The following EML4 variants were observed in gnomAD, a reference collection of about 807,000 sequenced individuals.
EML4 encodes EMAP like 4.
Under a neutral mutation model 129.0 loss-of-function variants are expected in EML4, and 72 were observed. The ratio of observed to expected loss-of-function variants is 0.56; its 90% CI spans 0.46 to 0.68. The LOEUF (loss-of-function observed/expected upper bound fraction) is 0.68, where lower values mean the gene tolerates loss of function less well. Ranked by LOEUF, EML4 falls within the 30% of genes least tolerant of loss-of-function variation. The probability of loss-of-function intolerance (pLI) is 0.00; values close to 1 mark genes in which losing one functional copy is unlikely to be tolerated. For synonymous variants in EML4, 532 were observed against 405.0 expected, an observed-to-expected ratio of 1.31 and a Z score of -3.77; for missense variants, 1,363 against 1,190.6, an observed-to-expected ratio of 1.14 and a Z score of -2.13.
At chr2:42,280,610 A>G (rs986998177) in intron 6 of EML4, among the ~76,000 whole-genome samples, 2 of 152,254 alleles carry the variant, frequency 1.3e-5, no homozygotes, top group African/African-American at 4.8e-5. Context: ...TGTGAATACT[A>G]TGCCATTTTG....
chr2:42,280,554 T>C (rs1666947581), intron 6 of EML4, among the ~76,000 whole-genome samples: 2 of 152,242 alleles, frequency 1.3e-5, no homozygotes, highest in Non-Finnish European at 2.9e-5. Context: ...AGCATTCACA[T>C]CATATTATGA....
At chr2:42,256,362 C>A in intron 2 of EML4, 139 bp from the exon 3 acceptor site, 1 of 741,314 alleles carries the variant, frequency 1.3e-6, no homozygotes, top group Non-Finnish European at 2.1e-6. Context: ...TGGGGGCATT[C>A]TGCTCAAGAG....
At chr2:42,232,723 T>C (rs1208111419) in intron 1 of EML4, among the ~76,000 whole-genome samples, 1 of 152,096 alleles carries the variant, frequency 6.6e-6, no homozygotes, top group Non-Finnish European at 1.5e-5. Context: ...TTTTGTTTTG[T>C]TTTTGTTTTT....
At chr2:42,280,814 T>C (rs1467139566) in intron 6 of EML4, 36 bp from the exon 7 acceptor site, 2 of 1,551,272 alleles carry the variant, frequency 1.3e-6, no homozygotes, top group Non-Finnish European at 1.8e-6. Context: ...ATACAGAAAA[T>C]ACGTATGACT....
At chr2:42,301,516 T>C in intron 14 of EML4, 124 bp downstream of exon 14, 1 of 763,334 alleles carries the variant, frequency 1.3e-6, no homozygotes, top group Non-Finnish European at 1.9e-6. Flanking sequence ...TTTCCTTTCC[T>C]CAAGAAAGGA....
Position 42,332,030 on chromosome 2 carries a change from C to T in EML4, c.*1823C>T, listed in dbSNP as rs759672126. 6.7e-5 allele frequency: 15 copies of T among 222,246 alleles called. No homozygotes were observed. The highest frequency in any genetic ancestry group is 9.0e-5 in the Non-Finnish European group (10 of 111,012). The allele number at this position is 222,246 out of a possible 1,614,324, so 13.8% of individuals were successfully genotyped here. ...TGTTCTGTACATACTTATCGGAGCG[C>T]GCCAGTAAGTATCAGGCATATATAT... On this transcript the variant is annotated 3_prime_UTR_variant, in exon 23 of 23. Transcript: ENST00000318522.
chr2:42,285,725 A>G (rs1010227425), intron 9 of EML4, among the ~76,000 whole-genome samples: 4 of 151,628 alleles, frequency 2.6e-5, no homozygotes, highest in African/African-American at 9.7e-5. Context: ...CAGCCTCCTG[A>G]GTAGCTGTGA....
chr2:42,243,758 T>C (rs982183475), intron 1 of EML4, among the ~76,000 whole-genome samples: 2 of 152,220 alleles, frequency 1.3e-5, no homozygotes, highest in African/African-American at 4.8e-5. Context: ...ATATGAAATA[T>C]GAATATTGTT....
chr2:42,189,293 G>A (rs1671444160), intron 1 of EML4, among the ~76,000 whole-genome samples: 1 of 152,142 alleles, frequency 6.6e-6, no homozygotes. Context: ...TTTTAAATCT[G>A]TCCATGTCTC....
chr2:42,290,605 A>G (rs887702650), intron 11 of EML4, among the ~76,000 whole-genome samples: 2 of 151,498 alleles, frequency 1.3e-5, no homozygotes, highest in African/African-American at 4.9e-5. Flanking sequence ...GGTGGTGCAC[A>G]TTTGTAGTTC....
At position 42,330,096 on chromosome 2, in the gene EML4, C is replaced by T; in HGVS notation, c.2835C>T (p.Gly945=). 1.2e-6 allele frequency: 2 copies of T among 1,612,806 alleles called. No homozygotes were observed. The highest frequency in any genetic ancestry group is 1.7e-6 in the Non-Finnish European group (2 of 1,179,820). Residue 945 remains glycine, a synonymous_variant, in exon 23 of 23, where the codon GGC becomes GGT. Transcript: ENST00000318522. The part of the protein sequence containing the change: ...EDHSEEESEE[G]SGDLGEPLYE... ...ACAGCGAGGAGGAGAGTGAAGAGGG[C>T]AGCGGAGACCTTGGTGAGCCTCTTT... is the stretch of plus-strand genomic sequence containing the variant.
intron 1 of EML4, among the ~76,000 whole-genome samples, chr2:42,225,598 A>G (rs1264350897): frequency 2.6e-5 from 4 of 152,180 alleles, no homozygotes; most frequent in East Asian, 1.9e-4. Flanking sequence ...TCTAAATCCA[A>G]CTAACGTTGC....
In EML4 at chr2:42,277,646, G is replaced by A. The variant is rs577076774; in HGVS notation, c.668-3204G>A. Among the ~76,000 whole-genome samples, 123 of 146,504 alleles carry A rather than the reference G, an allele frequency of 8.4e-4. 1 individual carries two copies. The highest frequency in any genetic ancestry group is 3.8e-3 in the Middle Eastern group (1 of 264). On this transcript the variant is annotated intron_variant, in intron 6 of 22. Coordinates refer to ENST00000318522, the MANE Select transcript of EML4 (RefSeq NM_019063.5). ...TGCAGTGGCGTGATCTCGGCTCACT[G>A]CAACCCCCGCCTCCCAGGTTCAAGC...
chr2:42,261,239 C>T lies in EML4; in HGVS notation c.457C>T (p.Pro153Ser), dbSNP rs781592633. Reference sequence around the variant, plus strand: ...ACCTTCTCCCCAGCCCTCTTCACAACCTCTCCAAATACACAGACAAACTCC... The same window carrying T: ...ACCTTCTCCCCAGCCCTCTTCACAATCTCTCCAAATACACAGACAAACTCC... ...ASPSPQPSSQ[P>S]LQIHRQTPES... The change falls in exon 4 of 23, where the codon CCT becomes TCT. Residue 153 changes from proline to serine, a missense_variant. Pro to Ser is a moderately conservative substitution (Grantham distance 74). Coordinates refer to ENST00000318522, the MANE Select transcript of EML4 (RefSeq NM_019063.5). 11 of 1,613,916 alleles carry T rather than the reference C, an allele frequency of 6.8e-6. No homozygotes were observed. The South Asian group carries it at 8.8e-5, about 13-fold the overall frequency.
chr2:42,200,584 T>G (rs1178309083), intron 1 of EML4, among the ~76,000 whole-genome samples: 1 of 152,220 alleles, frequency 6.6e-6, no homozygotes, highest in Non-Finnish European at 1.5e-5. Context: ...TTGAACTCCC[T>G]TTCTCCAGTT....
intron 1 of EML4, among the ~76,000 whole-genome samples, chr2:42,218,442 C>T (rs964654256): frequency 1.3e-5 from 2 of 152,050 alleles, no homozygotes; most frequent in Admixed American, 6.6e-5. Flanking sequence ...CCCAGCCCTC[C>T]CCCGCTGCCC....
chr2:42,301,371 G>C lies in EML4; in HGVS notation c.1620G>C (p.Leu540=), dbSNP rs1668277797. The change falls in exon 14 of 23, where the codon CTG becomes CTC. Residue 540 remains leucine, a synonymous_variant. Transcript: ENST00000318522. Reference sequence around the variant, plus strand: ...AAATAATTCTGTGGGATCATGATCTGAATCCTGAAAGAGAAATAGAGGTAA... The same window carrying C: ...AAATAATTCTGTGGGATCATGATCTCAATCCTGAAAGAGAAATAGAGGTAA... The part of the protein sequence containing the change: ...DRKIILWDHD[L]NPEREIEVPD... 1 of 1,611,864 alleles carries C rather than the reference G, an allele frequency of 6.2e-7. No homozygotes were observed. The highest frequency in any genetic ancestry group is 8.5e-7 in the Non-Finnish European group (1 of 1,179,078).
intron 1 of EML4, among the ~76,000 whole-genome samples, chr2:42,179,279 T>A (rs1255385874): frequency 2.1e-5 from 3 of 145,650 alleles, no homozygotes; most frequent in Non-Finnish European, 3.0e-5. Flanking sequence ...TTTTTTTTTT[T>A]AATATTATAA....
chr2:42,219,751 C>T (rs1401210973), intron 1 of EML4, among the ~76,000 whole-genome samples: 1 of 151,806 alleles, frequency 6.6e-6, no homozygotes, highest in Non-Finnish European at 1.5e-5. Context: ...AGCCCCATCT[C>T]TACTAAAAAT....
Sources: allele counts gnomAD v4.1 joint callset (sites outside exome capture counted in the v4.1 genomes callset), GRCh38; gene constraint gnomAD v4.1.1; transcripts MANE v1.5; gene names NCBI Gene and HGNC (gene_info 2026-07-23, HGNC 2026-07-21).